Variants in DLG2 observed in about 807,000 individuals in gnomAD.
DLG2 encodes the protein discs large MAGUK scaffold protein 2.
In DLG2, 45 loss-of-function variants were observed where a neutral mutation model predicts 132.5. That is an observed-to-expected ratio of 0.34 (90% CI 0.27 to 0.44). The LOEUF (loss-of-function observed/expected upper bound fraction) is 0.44. DLG2 is among the 20% of genes least tolerant of loss of function. The pLI is 1.00. For synonymous variants in DLG2, 424 were observed against 419.6 expected, an observed-to-expected ratio of 1.01 and a Z score of -0.13; for missense variants, 1,045 against 1,196.9, an observed-to-expected ratio of 0.87 and a Z score of 1.87.
Position 84,317,291 on chromosome 11 carries a change from C to T in DLG2, c.520-66000G>A, listed in dbSNP as rs564510713. ...TTGACAGCTGCTATAAGCAGTGCAT[C>T]GTGGGAGCAGTGGGAGCAGCGACAG... On this transcript the variant is annotated intron_variant, in intron 7 of 27. Coordinates refer to ENST00000376104, the MANE Select transcript of DLG2 (RefSeq NM_001142699.3). 38 of 1,453,738 alleles carry T rather than the reference C, an allele frequency of 2.6e-5. 1 individual carries two copies. The South Asian group carries it at 5.2e-4, about 20-fold the overall frequency. 90.1% of individuals were successfully genotyped at this position (1,453,738 alleles called of 1,614,324 possible). A position where few individuals can be genotyped will look rare whatever the true frequency, so the allele number is the denominator to read the frequency against.
intron 2 of DLG2, among the ~76,000 whole-genome samples, chr11:85,621,162 G>C (rs1264888409): frequency 6.6e-6 from 1 of 151,298 alleles, no homozygotes; most frequent in Non-Finnish European, 1.5e-5. Context: ...CAGCACATCC[G>C]TTTACAGCAT....
Position 84,378,091 on chromosome 11 carries a change from TA to T in DLG2, c.520-126801del, listed in dbSNP as rs200895344. 3.1e-3 allele frequency among the ~76,000 whole-genome samples: 477 copies of T among 152,306 alleles called. 17 individuals carry two copies. In the East Asian group the frequency reaches 0.072, roughly 23 times the overall value. ...TTATGTTCTTCTGCCTCCAAATTCA[TA>T]TATTGAAGCCGTAACACTGACTGTG... On this transcript the variant is annotated intron_variant, in intron 7 of 27. Coordinates refer to ENST00000376104, the MANE Select transcript of DLG2 (RefSeq NM_001142699.3).
intron 9 of DLG2, among the ~76,000 whole-genome samples, chr11:84,162,027 T>C (rs565874018): frequency 2.0e-5 from 3 of 152,178 alleles, no homozygotes; most frequent in African/African-American, 7.2e-5. Flanking sequence ...AGCCTGAAGA[T>C]GAGAAATGCT....
chr11:83,577,929 A>ATATAATTATATATTTATAAT (rs2144559167), intron 19 of DLG2, among the ~76,000 whole-genome samples: 1 of 133,032 alleles, frequency 7.5e-6, no homozygotes, highest in Admixed American at 8.4e-5. Context: ...TATATTTATA[A>ATATAATTATATATTTATAAT]TATATAATAT....
intron 7 of DLG2, among the ~76,000 whole-genome samples, chr11:84,259,454 T>G (rs1477014514): frequency 6.6e-6 from 1 of 152,130 alleles, no homozygotes; most frequent in Non-Finnish European, 1.5e-5. Context: ...GCTTGTCACC[T>G]GCTTTGCCCC....
intron 11 of DLG2, among the ~76,000 whole-genome samples, chr11:83,994,049 G>A (rs988077335): frequency 5.9e-5 from 9 of 151,964 alleles, no homozygotes; most frequent in South Asian, 4.1e-4. Flanking sequence ...CCTCCTAGTC[G>A]CCACTCCTTT....
chr11:83,875,609 A>G (rs914631759), intron 15 of DLG2, among the ~76,000 whole-genome samples: 4 of 152,226 alleles, frequency 2.6e-5, no homozygotes, highest in Admixed American at 2.0e-4. Flanking sequence ...ATAATTCAAC[A>G]GCCAACTTTA....
chr11:83,973,976 T>C (rs1043511056), intron 12 of DLG2, among the ~76,000 whole-genome samples: 2 of 152,058 alleles, frequency 1.3e-5, no homozygotes, highest in African/African-American at 4.8e-5. Flanking sequence ...GTTCTAACTT[T>C]CCTTCTGAAA....
intron 8 of DLG2, among the ~76,000 whole-genome samples, chr11:84,185,491 T>C (rs1244935036): frequency 6.6e-6 from 1 of 152,198 alleles, no homozygotes; most frequent in Non-Finnish European, 1.5e-5. Flanking sequence ...CGGGGTTTTC[T>C]AGATATACAA....
intron 6 of DLG2, among the ~76,000 whole-genome samples, chr11:84,720,601 T>C (rs1336115601): frequency 6.6e-6 from 1 of 151,674 alleles, no homozygotes; most frequent in Non-Finnish European, 1.5e-5. Flanking sequence ...GAACGAGGCG[T>C]GTGGGGGGAG....
At chr11:84,555,897 C>T (rs1376835467) in intron 6 of DLG2, among the ~76,000 whole-genome samples, 1 of 152,140 alleles carries the variant, frequency 6.6e-6, no homozygotes, top group South Asian at 2.1e-4. Context: ...TTGGGGAGAC[C>T]AGTTGGGAGG....
intron 18 of DLG2, among the ~76,000 whole-genome samples, chr11:83,667,441 G>A (rs2075834444): frequency 6.6e-6 from 1 of 152,070 alleles, no homozygotes; most frequent in African/African-American, 2.4e-5. Context: ...TATTTCTGCC[G>A]ATCCCAAGGT....
chr11:84,702,131 C>T (rs2153743183), intron 6 of DLG2, among the ~76,000 whole-genome samples: 1 of 151,726 alleles, frequency 6.6e-6, no homozygotes, highest in East Asian at 2.0e-4. Context: ...ATAACATCAG[C>T]TCCCTGATCC....
intron 6 of DLG2, among the ~76,000 whole-genome samples, chr11:84,944,857 C>G (rs2049993409): frequency 6.6e-6 from 1 of 152,176 alleles, no homozygotes; most frequent in South Asian, 2.1e-4. Context: ...GCCCACCTCA[C>G]CTCCCAAAGT....
chr11:85,261,221 G>A (rs1417763256), intron 4 of DLG2, among the ~76,000 whole-genome samples: 1 of 152,176 alleles, frequency 6.6e-6, no homozygotes, highest in Non-Finnish European at 1.5e-5. Context: ...GCTACATGCA[G>A]ATAATGTTAT....
chr11:84,721,097 C>T (rs2061781669), intron 6 of DLG2, among the ~76,000 whole-genome samples: 1 of 152,094 alleles, frequency 6.6e-6, no homozygotes, highest in Non-Finnish European at 1.5e-5. Flanking sequence ...TTGGCCCCCA[C>T]CGCTACAGCC....
At chr11:84,440,978 T>C (rs1387318727) in intron 7 of DLG2, among the ~76,000 whole-genome samples, 1 of 152,152 alleles carries the variant, frequency 6.6e-6, no homozygotes, top group African/African-American at 2.4e-5. Context: ...TGAAAAGCTA[T>C]GTAATTTCAG....
chr11:83,781,138 A>AT (rs1341448414), intron 18 of DLG2, among the ~76,000 whole-genome samples: 1 of 152,192 alleles, frequency 6.6e-6, no homozygotes, highest in East Asian at 1.9e-4. Flanking sequence ...CTTCCTTCAG[A>AT]TGCCTGCATA....
chr11:85,585,398 C>A (rs1224517662), intron 3 of DLG2, among the ~76,000 whole-genome samples: 1 of 152,110 alleles, frequency 6.6e-6, no homozygotes, highest in Non-Finnish European at 1.5e-5. Flanking sequence ...AATTTGGATG[C>A]CCTTTCTTTT....
Sources: allele counts gnomAD v4.1 joint callset (sites outside exome capture counted in the v4.1 genomes callset), GRCh38; gene constraint gnomAD v4.1.1; transcripts MANE v1.5; gene names NCBI Gene and HGNC (gene_info 2026-07-23, HGNC 2026-07-21).